The following GPC5 variants were observed in gnomAD, a reference collection of about 807,000 sequenced individuals.
The protein encoded by GPC5 is glypican 5.
GPC5 carries 47 observed loss-of-function variants against 53.9 expected under a neutral mutation model. That is an observed-to-expected ratio of 0.87 (90% confidence interval 0.69 to 1.11). The LOEUF (loss-of-function observed/expected upper bound fraction) is 1.11, where lower values mean the gene tolerates loss of function less well. Among genes scored for constraint, GPC5 ranks in the 50% most tolerant of loss-of-function variants. The probability of loss-of-function intolerance (pLI) is 0.00; values close to 1 mark genes in which losing one functional copy is unlikely to be tolerated. For missense variants in GPC5, 748 were observed against 713.1 expected (o/e 1.05, Z -0.56); for synonymous variants, 286 against 263.3 (o/e 1.09, Z -0.84).
chr13:92,292,045 C>T (rs1009214034), intron 7 of GPC5, among the ~76,000 whole-genome samples: 2 of 152,180 alleles, frequency 1.3e-5, no homozygotes, highest in African/African-American at 2.4e-5. Context: ...CCACCAATTC[C>T]GGACACATAT....
chr13:92,421,604 T>C (rs946419003), intron 7 of GPC5, among the ~76,000 whole-genome samples: 2 of 141,276 alleles, frequency 1.4e-5, no homozygotes, highest in Non-Finnish European at 3.0e-5. Context: ...GAGGCTGAGG[T>C]AGGAGAATGG....
intron 1 of GPC5, among the ~76,000 whole-genome samples, chr13:91,401,035 G>A (rs1876911397): frequency 1.3e-5 from 2 of 152,160 alleles, no homozygotes; most frequent in South Asian, 4.1e-4. Flanking sequence ...AGGTGATGGA[G>A]GAATCACGGG....
chr13:92,748,147 A>T (rs1889284757), intron 7 of GPC5, among the ~76,000 whole-genome samples: 1 of 152,048 alleles, frequency 6.6e-6, no homozygotes, highest in Non-Finnish European at 1.5e-5. Flanking sequence ...AAAATGGTGA[A>T]TGAAAAATAG....
At position 91,849,664 on chromosome 13, in the gene GPC5, T is replaced by A. The variant is rs560762091; in HGVS notation, c.1281-58273T>A. Among the ~76,000 whole-genome samples the A allele has an allele frequency of 1.4e-4, 21 of 152,126 alleles. No individual in the cohort carries two copies. The East Asian group carries it at 4.1e-3, about 29-fold the overall frequency. On this transcript the variant is annotated intron_variant, in intron 5 of 7. Transcript: ENST00000377067. ...TTGCTTTAACTCAAAGAAATATGAG[T>A]TTCTGATAGAATTTCAGGTACCTTC...
chr13:91,500,478 G>A (rs1007548051), intron 2 of GPC5, among the ~76,000 whole-genome samples: 1 of 152,116 alleles, frequency 6.6e-6, no homozygotes, highest in Non-Finnish European at 1.5e-5. Context: ...GAAAAATATA[G>A]GATGCTCAGT....
intron 7 of GPC5, among the ~76,000 whole-genome samples, chr13:92,248,157 T>C (rs1167519649): frequency 2.0e-5 from 3 of 151,424 alleles, no homozygotes; most frequent in Admixed American, 6.6e-5. Flanking sequence ...TACTGTACAA[T>C]ACTTTGACGG....
intron 7 of GPC5, among the ~76,000 whole-genome samples, chr13:92,543,820 C>T (rs184954633): frequency 1.3e-5 from 2 of 151,890 alleles, no homozygotes; most frequent in South Asian, 2.1e-4. Context: ...AATTGACAAA[C>T]GTTTAAGTGT....
intron 6 of GPC5, among the ~76,000 whole-genome samples, chr13:92,010,511 A>G (rs542516410): frequency 6.6e-5 from 10 of 152,346 alleles, no homozygotes; most frequent in Middle Eastern, 3.4e-3. Flanking sequence ...TGTTCCCCAG[A>G]ATCTCTATAT....
chr13:92,665,453 T>C (rs1323384958), intron 7 of GPC5, among the ~76,000 whole-genome samples: 1 of 152,200 alleles, frequency 6.6e-6, no homozygotes, highest in Non-Finnish European at 1.5e-5. Flanking sequence ...TGCTCTTTCT[T>C]TGATCCTAAG....
At chr13:92,548,340 C>A (rs1882197691) in intron 7 of GPC5, among the ~76,000 whole-genome samples, 1 of 151,212 alleles carries the variant, frequency 6.6e-6, no homozygotes, top group Admixed American at 6.6e-5. Context: ...ATCAAAATGA[C>A]ATGAATGGTC....
chr13:91,862,112 T>G (rs1000573013), intron 5 of GPC5, among the ~76,000 whole-genome samples: 3 of 152,196 alleles, frequency 2.0e-5, no homozygotes, highest in African/African-American at 7.2e-5. Context: ...CATATACTTA[T>G]CATTTCTATG....
chr13:92,319,649 T>C (rs1400473055), intron 7 of GPC5, among the ~76,000 whole-genome samples: 1 of 152,144 alleles, frequency 6.6e-6, no homozygotes, highest in African/African-American at 2.4e-5. Context: ...GATAATTGAT[T>C]TTTTGTTTAG....
intron 4 of GPC5, among the ~76,000 whole-genome samples, chr13:91,751,073 A>T (rs2037166015): frequency 6.6e-6 from 1 of 152,132 alleles, no homozygotes; most frequent in Admixed American, 6.5e-5. Context: ...TGGTTCTACT[A>T]TTTATCAGTG....
chr13:91,845,183 G>T (rs970127852), intron 5 of GPC5, among the ~76,000 whole-genome samples: 1 of 140,814 alleles, frequency 7.1e-6, no homozygotes, highest in African/African-American at 2.5e-5. Flanking sequence ...TGAACACTGA[G>T]ATTCTTTATG....
chr13:91,422,655 AC>A (rs67395310), intron 1 of GPC5, among the ~76,000 whole-genome samples: 18 of 151,292 alleles, frequency 1.2e-4, no homozygotes, highest in African/African-American at 4.4e-4. Flanking sequence ...GAAAAAAAAA[AC>A]CATTTCTTAC....
At chr13:92,801,116 G>T (rs1346191164) in intron 7 of GPC5, among the ~76,000 whole-genome samples, 4 of 151,716 alleles carry the variant, frequency 2.6e-5, no homozygotes, top group Non-Finnish European at 5.9e-5. Flanking sequence ...ATATGTGTGT[G>T]TATGTGTGTG....
chr13:92,195,751 G>A (rs1455305409), intron 7 of GPC5, among the ~76,000 whole-genome samples: 2 of 152,200 alleles, frequency 1.3e-5, no homozygotes, highest in African/African-American at 4.8e-5. Context: ...ACTTCATTTA[G>A]AATAAGTTAT....
intron 2 of GPC5, among the ~76,000 whole-genome samples, chr13:91,683,250 A>T (rs1356348500): frequency 1.3e-5 from 2 of 152,172 alleles, no homozygotes; most frequent in African/African-American, 4.8e-5. Context: ...AGCAGCCACC[A>T]GCAGCTGGAA....
intron 2 of GPC5, among the ~76,000 whole-genome samples, chr13:91,540,938 A>C (rs77856383): frequency 0.062 from 9,447 of 152,182 alleles, 385 homozygotes; most frequent in Non-Finnish European, 0.089. Context: ...TTAAAAGTCT[A>C]ATTGAGTCAG....
Sources: allele counts gnomAD v4.1 joint callset (sites outside exome capture counted in the v4.1 genomes callset), GRCh38; gene constraint gnomAD v4.1.1; transcripts MANE v1.5; gene names NCBI Gene and HGNC (gene_info 2026-07-23, HGNC 2026-07-21).